The following LCE1E variants were observed in gnomAD, a reference collection of about 807,000 sequenced individuals.
LCE1E encodes the protein late cornified envelope protein 1E.
For synonymous variants in LCE1E, 61 were observed against 55.0 expected, an observed-to-expected ratio of 1.11 and a Z score of -0.48; for missense variants, 144 against 144.3, an observed-to-expected ratio of 1.00 and a Z score of 0.01.
rs778308067 is a variant in LCE1E, at chr1:152,787,319, A to G, written c.20A>G (p.Gln7Arg). ...GCCGAGATGTCCTGCCAGCAGAGCC[A>G]GCAGCAGTGCCAGCCCCCTCCCAAG... Reference protein sequence around the residue: MSCQQSQQQCQPPPKCT... With the variant: MSCQQSRQQCQPPPKCT... Residue 7 changes from glutamine to arginine, a missense_variant, in exon 2 of 2, where the codon CAG (glutamine) becomes CGG (arginine). Transcript: ENST00000368770. The G allele has an allele frequency of 1.9e-6, 3 of 1,614,012 alleles. No individual in the cohort carries two copies. Among genetic ancestry groups the G allele is most frequent in the Non-Finnish European group, 1.7e-6 (2 of 1,180,004 alleles).
At position 152,787,337 on chromosome 1, in the gene LCE1E, C is replaced by G; in HGVS notation, c.38C>G (p.Pro13Arg). 1.2e-6 allele frequency: 2 copies of G among 1,614,132 alleles called. No individual in the cohort carries two copies. Among genetic ancestry groups the G allele is most frequent in the Non-Finnish European group, 1.7e-6 (2 of 1,180,006 alleles). The change falls in exon 2 of 2, where the codon CCT becomes CGT. Residue 13 changes from proline to arginine, a missense_variant. Transcript: ENST00000368770. ...CAGAGCCAGCAGCAGTGCCAGCCCCCTCCCAAGTGCACTCCCAAGTGCCCT... is the reference window on the plus strand; with the variant it reads ...CAGAGCCAGCAGCAGTGCCAGCCCCGTCCCAAGTGCACTCCCAAGTGCCCT... Reference protein sequence around the residue: ...CQQSQQQCQPPPKCTPKCPPK... With the variant: ...CQQSQQQCQPRPKCTPKCPPK...
chr1:152,786,390 C>T (rs1651851937), intron 1 of LCE1E, 83 bp downstream of exon 1: 1 of 152,464 alleles, frequency 6.6e-6, no homozygotes, highest in Non-Finnish European at 1.5e-5. Context: ...GGCAGGGCTT[C>T]CATGGGGGAG....
Position 152,787,261 on chromosome 1 carries a change from G to A in LCE1E, c.-22-17G>A, listed in dbSNP as rs199640672. 5.0e-5 allele frequency: 80 copies of A among 1,610,848 alleles called. No homozygotes were observed. The highest frequency in any genetic ancestry group is 1.5e-4 in the Admixed American group (9 of 59,952). On this transcript the variant is annotated splice_polypyrimidine_tract_variant and intron_variant, in intron 1 of 1. Transcript: ENST00000368770. Reference sequence around the variant, plus strand: ...GGCCTCTGCCTAGGTCTGATTTTCTGTCTGACTCTCCCTCAGCTCCTAAGT... The same window carrying A: ...GGCCTCTGCCTAGGTCTGATTTTCTATCTGACTCTCCCTCAGCTCCTAAGT...
At chr1:152,787,089 A>G (rs1651868009) in intron 1 of LCE1E, among the ~76,000 whole-genome samples, 189 bp from the exon 2 acceptor site, 1 of 152,196 alleles carries the variant, frequency 6.6e-6, no homozygotes, top group Non-Finnish European at 1.5e-5. Flanking sequence ...CTTAGTTTAC[A>G]ATTTTGTGTA....
rs1337090405 is a variant in LCE1E at position 152,787,365 on chromosome 1, C to A, written c.66C>A (p.Pro22=). 1 of 1,614,122 alleles carries A rather than the reference C, an allele frequency of 6.2e-7. No individual in the cohort carries two copies. The highest frequency in any genetic ancestry group is 1.1e-5 in the South Asian group (1 of 91,064). ...CCAAGTGCACTCCCAAGTGCCCTCC[C>A]AAGTGTCCCACCCCCAAATGCCCTC... The part of the protein sequence containing the change: ...PPPKCTPKCP[P]KCPTPKCPPK... The change falls in exon 2 of 2, where the codon CCC becomes CCA. Residue 22 remains proline, a synonymous_variant. Transcript: ENST00000368770.
At chr1:152,787,129 T>A (rs1373722735) in intron 1 of LCE1E, 149 bp from the exon 2 acceptor site, 1 of 804,752 alleles carries the variant, frequency 1.2e-6, no homozygotes, top group African/African-American at 1.7e-5. Flanking sequence ...ATCCTGAGCT[T>A]GCAAAGAGAT....
Position 152,787,857 on chromosome 1 carries a change from C to G in LCE1E, c.*201C>G. ...TCCAAAGCACACACCTACTTCCTCC[C>G]CAGCTCACGCTGCTGTATTCTGTGC... On this transcript the variant is annotated 3_prime_UTR_variant, in exon 2 of 2. Coordinates refer to ENST00000368770, the MANE Select transcript of LCE1E (RefSeq NM_178353.2). 1.6e-6 allele frequency: 1 copy of G among 640,076 alleles called. No homozygotes were observed. Among genetic ancestry groups the G allele is most frequent in the South Asian group, 2.1e-5 (1 of 46,512 alleles). 39.6% of individuals were successfully genotyped at this position (640,076 alleles called of 1,614,324 possible).
In LCE1E at chr1:152,787,469, G is replaced by C; in HGVS notation, c.170G>C (p.Gly57Ala). 2 of 1,613,540 alleles carry C rather than the reference G, an allele frequency of 1.2e-6. No individual in the cohort carries two copies. Among genetic ancestry groups the C allele is most frequent in the Non-Finnish European group, 1.7e-6 (2 of 1,179,866 alleles). Residue 57 changes from glycine (G) to alanine (A), a missense_variant, in exon 2 of 2, where the codon GGG (glycine) becomes GCG (alanine). Transcript: ENST00000368770. ...GGAGGCTGCTGTGGCTCCAGCTCTG[G>C]GGGCAGCTGTGGCTCCAGCTCTGGG... is the stretch of plus-strand genomic sequence containing the variant. The part of the protein sequence containing the change: ...SSGGCCGSSS[G>A]GSCGSSSGGC...
At chr1:152,787,227 G>T (rs1465473356) in intron 1 of LCE1E, 51 bp from the exon 2 acceptor site, 33 of 1,513,406 alleles carry the variant, frequency 2.2e-5, no homozygotes, top group Non-Finnish European at 2.5e-5. Context: ...GTGTCAGAGG[G>T]GCAGAGGTGG....
chr1:152,786,637 T>C (rs1651857396), intron 1 of LCE1E, among the ~76,000 whole-genome samples: 2 of 152,180 alleles, frequency 1.3e-5, no homozygotes, highest in African/African-American at 4.8e-5. Flanking sequence ...TTTGGGCTTA[T>C]GGAACCGACA....
intron 1 of LCE1E, among the ~76,000 whole-genome samples, chr1:152,786,999 G>A (rs1395718291): frequency 6.6e-6 from 1 of 152,188 alleles, no homozygotes; most frequent in Non-Finnish European, 1.5e-5. Context: ...ATTTCAGGGT[G>A]TGAAGACATA....
chr1:152,788,033 A>G lies in LCE1E; in HGVS notation c.*377A>G. 1 of 202,660 alleles carries G rather than the reference A, an allele frequency of 4.9e-6. No individual in the cohort carries two copies. Among genetic ancestry groups the G allele is most frequent in the Non-Finnish European group, 1.1e-5 (1 of 89,826 alleles). 12.6% of individuals were successfully genotyped at this position (202,660 alleles called of 1,614,324 possible). The stretch of plus-strand genomic sequence containing the variant: ...TGGACAGAGGATGGGGAAAGGGGTC[A>G]GGAGGAAAAAGCTTGCATTTCTGTG... On this transcript the variant is annotated 3_prime_UTR_variant, in exon 2 of 2. Transcript: ENST00000368770.
Position 152,787,315 on chromosome 1 carries a change from A to G in LCE1E, c.16A>G (p.Ser6Gly). 2 of 1,614,108 alleles carry G rather than the reference A, an allele frequency of 1.2e-6. No individual in the cohort carries two copies. Among genetic ancestry groups the G allele is most frequent in the Non-Finnish European group, 1.7e-6 (2 of 1,179,992 alleles). ...TACTGCCGAGATGTCCTGCCAGCAGAGCCAGCAGCAGTGCCAGCCCCCTCC... is the reference window on the plus strand; with the variant it reads ...TACTGCCGAGATGTCCTGCCAGCAGGGCCAGCAGCAGTGCCAGCCCCCTCC... MSCQQ[S>G]QQQCQPPPKC... Residue 6 changes from serine (S) to glycine (G), a missense_variant, in exon 2 of 2, where the codon AGC (serine) becomes GGC (glycine). Coordinates refer to ENST00000368770, the MANE Select transcript of LCE1E (RefSeq NM_178353.2).
At position 152,787,363 on chromosome 1, in the gene LCE1E, C is replaced by T; in HGVS notation, c.64C>T (p.Pro22Ser). ...TCCCAAGTGCACTCCCAAGTGCCCT[C>T]CCAAGTGTCCCACCCCCAAATGCCC... ...PPPKCTPKCP[P>S]KCPTPKCPPK... The change falls in exon 2 of 2, where the codon CCC becomes TCC. Residue 22 changes from proline to serine, a missense_variant. Physicochemically the swap from Pro to Ser is moderately conservative, Grantham distance 74 (BLOSUM62 -1). Coordinates refer to ENST00000368770, the MANE Select transcript of LCE1E (RefSeq NM_178353.2). 6.2e-7 allele frequency: 1 copy of T among 1,614,126 alleles called. No individual in the cohort carries two copies. Among genetic ancestry groups the T allele is most frequent in the East Asian group, 2.2e-5 (1 of 44,860 alleles).
chr1:152,786,929 G>T (rs1353443417), intron 1 of LCE1E, among the ~76,000 whole-genome samples: 1 of 152,170 alleles, frequency 6.6e-6, no homozygotes, highest in Admixed American at 6.5e-5. Context: ...GTTACAAAAG[G>T]TAGTGATTAC....
Position 152,787,130 on chromosome 1 carries a change from G to C in LCE1E, c.-22-148G>C. On this transcript the variant is annotated intron_variant, in intron 1 of 1. Transcript: ENST00000368770. ...TAACACACAAGGGTATCCTGAGCTTGCAAAGAGATGATGAGAGAATTTGGG... is the reference window on the plus strand; with the variant it reads ...TAACACACAAGGGTATCCTGAGCTTCCAAAGAGATGATGAGAGAATTTGGG... 6 of 808,306 alleles carry C rather than the reference G, an allele frequency of 7.4e-6. No individual in the cohort carries two copies. The South Asian group carries it at 1.0e-4, about 13-fold the overall frequency. 50.1% of individuals were successfully genotyped at this position (808,306 alleles called of 1,614,324 possible).
chr1:152,787,679 C>T lies in LCE1E; in HGVS notation c.*23C>T, dbSNP rs763003610. 2.0e-6 allele frequency: 3 copies of T among 1,531,446 alleles called. No individual in the cohort carries two copies. The highest frequency in any genetic ancestry group is 2.3e-4 in the Middle Eastern group (1 of 4,424). 94.9% of individuals were successfully genotyped at this position (1,531,446 alleles called of 1,614,324 possible). On this transcript the variant is annotated 3_prime_UTR_variant, in exon 2 of 2. Transcript: ENST00000368770. ...TGAAGTGGACCTTGACTTCCTCTTC[C>T]TTCTGATTCTGCCTGAATAGCTGAG...
At position 152,787,495 on chromosome 1, in the gene LCE1E, G is replaced by GGA; in HGVS notation, c.197_198insAG (p.Cys67AlafsTer12). On this transcript the variant is annotated frameshift_variant, in exon 2 of 2. Transcript: ENST00000368770. LOFTEE classifies it high-confidence loss of function. The stretch of plus-strand genomic sequence containing the variant: ...GGGCAGCTGTGGCTCCAGCTCTGGG[G>GGA]GCTGCTGCAGCTCTGGGGGAGGTGG... 6.2e-7 allele frequency: 1 copy of GGA among 1,613,656 alleles called. No homozygotes were observed. Among genetic ancestry groups the GGA allele is most frequent in the Non-Finnish European group, 8.5e-7 (1 of 1,179,796 alleles).
Position 152,787,259 on chromosome 1 carries a change from C to G in LCE1E, c.-22-19C>G, listed in dbSNP as rs746795156. On this transcript the variant is annotated intron_variant, in intron 1 of 1. Transcript: ENST00000368770. ...GTGGCCTCTGCCTAGGTCTGATTTT[C>G]TGTCTGACTCTCCCTCAGCTCCTAA... is the stretch of plus-strand genomic sequence containing the variant. The G allele has an allele frequency of 8.7e-6, 14 of 1,610,136 alleles. No homozygotes were observed. Among genetic ancestry groups the G allele is most frequent in the Non-Finnish European group, 1.2e-5 (14 of 1,177,196 alleles).
Sources: gnomAD v4.1 joint callset for allele counts (sites outside exome capture counted in the v4.1 genomes callset) on GRCh38, gnomAD v4.1.1 for gene constraint, MANE v1.5 for transcripts, NCBI Gene and HGNC (gene_info 2026-07-23, HGNC 2026-07-21) for gene names.